Variants in PHAX observed in about 807,000 individuals in gnomAD.
PHAX encodes phosphorylated adaptor for RNA export.
In PHAX, 31 loss-of-function variants were observed where a neutral mutation model predicts 41.6. That is an observed-to-expected ratio of 0.75 (90% CI 0.56 to 1.01). PHAX has a LOEUF of 1.01. PHAX is among the 50% of genes least tolerant of loss of function. The probability of loss-of-function intolerance (pLI) is 0.00; values close to 1 mark genes in which losing one functional copy is unlikely to be tolerated. For missense variants in PHAX, 453 were observed against 472.9 expected (o/e 0.96, Z 0.39); for synonymous variants, 175 against 164.9 (o/e 1.06, Z -0.47).
At chr5:126,611,543 T>TG (rs932250908) in intron 3 of PHAX, among the ~76,000 whole-genome samples, 5 of 151,958 alleles carry the variant, frequency 3.3e-5, no homozygotes, top group Non-Finnish European at 7.4e-5. Flanking sequence ...CCCAGCACTT[T>TG]GGGGGGCCAA....
intron 2 of PHAX, among the ~76,000 whole-genome samples, chr5:126,606,461 C>T (rs1224962811): frequency 6.6e-6 from 1 of 152,070 alleles, no homozygotes; most frequent in Non-Finnish European, 1.5e-5. Flanking sequence ...GGATTAGAGG[C>T]GTAAGCCACT....
Position 126,624,853 on chromosome 5 carries a change from T to TC in PHAX, c.*10dup. Reference sequence around the variant, plus strand: ...ATTTGGACATCTTTTAAGTACATTTTCAACAGTTTGAGGACTAAGCCTTTC... The same window carrying TC: ...ATTTGGACATCTTTTAAGTACATTTTCCAACAGTTTGAGGACTAAGCCTTTC... On this transcript the variant is annotated 3_prime_UTR_variant, in exon 5 of 5. Transcript: ENST00000297540. 1 of 1,597,126 alleles carries TC rather than the reference T, an allele frequency of 6.3e-7. No individual in the cohort carries two copies. The highest frequency in any genetic ancestry group is 8.5e-7 in the Non-Finnish European group (1 of 1,173,254).
chr5:126,615,233 A>G (rs1392190653), intron 3 of PHAX, among the ~76,000 whole-genome samples: 1 of 152,130 alleles, frequency 6.6e-6, no homozygotes, highest in Non-Finnish European at 1.5e-5. Flanking sequence ...GACTATGTGT[A>G]TATGACATAC....
At chr5:126,619,485 A>G (rs541343261) in intron 4 of PHAX, among the ~76,000 whole-genome samples, 134 of 151,864 alleles carry the variant, frequency 8.8e-4, no homozygotes, top group African/African-American at 3.1e-3. Context: ...CTGACGTAGG[A>G]GAATCGCTTG....
At chr5:126,610,986 T>G (rs192439024) in intron 3 of PHAX, among the ~76,000 whole-genome samples, 29 of 151,814 alleles carry the variant, frequency 1.9e-4, no homozygotes, top group Non-Finnish European at 3.2e-4. Flanking sequence ...GGATTACAGG[T>G]GTGAGCCACT....
intron 4 of PHAX, among the ~76,000 whole-genome samples, chr5:126,619,932 C>T (rs983124707): frequency 2.6e-5 from 4 of 152,066 alleles, no homozygotes; most frequent in Non-Finnish European, 4.4e-5. Flanking sequence ...TTTGAGTAGC[C>T]GCACATTTTC....
chr5:126,616,401 G>A (rs1271914010), intron 3 of PHAX, among the ~76,000 whole-genome samples: 1 of 152,062 alleles, frequency 6.6e-6, no homozygotes, highest in Non-Finnish European at 1.5e-5. Context: ...AGCCTCAAAT[G>A]CCAATTCTTG....
intron 3 of PHAX, among the ~76,000 whole-genome samples, chr5:126,608,888 G>C (rs1379931912): frequency 6.6e-6 from 1 of 150,460 alleles, no homozygotes; most frequent in Admixed American, 6.7e-5. Context: ...AGTGAGCTGA[G>C]ATCGCACCCT....
At chr5:126,617,877 G>C (rs1242196713) in intron 4 of PHAX, among the ~76,000 whole-genome samples, 1 of 151,964 alleles carries the variant, frequency 6.6e-6, no homozygotes, top group Non-Finnish European at 1.5e-5. Context: ...GTCTCCCAAA[G>C]TGCTGCAATT....
At chr5:126,618,301 T>A (rs980613149) in intron 4 of PHAX, among the ~76,000 whole-genome samples, 10 of 152,024 alleles carry the variant, frequency 6.6e-5, no homozygotes, top group Non-Finnish European at 1.3e-4. Context: ...TTAGTTCTAA[T>A]TATTTGAACA....
At chr5:126,608,977 T>A (rs938125314) in intron 3 of PHAX, among the ~76,000 whole-genome samples, 16 of 151,408 alleles carry the variant, frequency 1.1e-4, no homozygotes, top group African/African-American at 3.1e-4. Flanking sequence ...ATTAGTACAG[T>A]TGTTTTTGCA....
chr5:126,604,074 C>T lies in PHAX; in HGVS notation c.601C>T (p.Arg201Ter), dbSNP rs531169247. Reference protein sequence around the residue: ...ENGQGHLKRKRPVKDRLGNRP... With the variant: ...ENGQGHLKRK ...TGGGCAAGGTCATCTCAAAAGGAAACGACCTGTCAAAGACAGGCTAGGGAA... is the reference window on the plus strand; with the variant it reads ...TGGGCAAGGTCATCTCAAAAGGAAATGACCTGTCAAAGACAGGCTAGGGAA... The change falls in exon 2 of 5, where the codon CGA (arginine) becomes TGA (stop). Residue 201 changes from arginine (R) to a stop codon, truncating the protein, a stop_gained. Transcript: ENST00000297540. LOFTEE classifies it high-confidence loss of function. 7 of 1,613,620 alleles carry T rather than the reference C, an allele frequency of 4.3e-6. No homozygotes were observed. Among genetic ancestry groups the T allele is most frequent in the African/African-American group, 2.7e-5 (2 of 74,844 alleles).
At chr5:126,611,060 G>A (rs1415550730) in intron 3 of PHAX, among the ~76,000 whole-genome samples, 9 of 85,832 alleles carry the variant, frequency 1.0e-4, no homozygotes, top group African/African-American at 6.4e-4. Flanking sequence ...TTGTTTGTTT[G>A]TTTGTTTGTT....
chr5:126,601,113 C>G lies in PHAX; in HGVS notation c.96+55C>G, dbSNP rs544990905. 1.2e-5 allele frequency: 15 copies of G among 1,250,932 alleles called. 1 individual carries two copies. In the South Asian group the frequency reaches 1.7e-4, roughly 15 times the overall value. The allele number at this position is 1,250,932 out of a possible 1,614,324, so 77.5% of individuals were successfully genotyped here. A position where few individuals can be genotyped will look rare whatever the true frequency, so the allele number is the denominator to read the frequency against. ...GGCTGGGCGCGCGGAGCCTGGGCCC[C>G]GGGGAGCGCGCAGGCAGCGGTGAGG... On this transcript the variant is annotated intron_variant, in intron 1 of 4. Coordinates refer to ENST00000297540, the MANE Select transcript of PHAX (RefSeq NM_032177.4).
At chr5:126,608,693 T>C (rs2112831425) in intron 3 of PHAX, among the ~76,000 whole-genome samples, 1 of 152,152 alleles carries the variant, frequency 6.6e-6, no homozygotes, top group African/African-American at 2.4e-5. Context: ...TCCTAGCACT[T>C]TGGGAGGCTG....
At chr5:126,612,865 C>A (rs926554288) in intron 3 of PHAX, among the ~76,000 whole-genome samples, 5 of 152,052 alleles carry the variant, frequency 3.3e-5, no homozygotes, top group Admixed American at 6.6e-5. Context: ...GTGGAAGATA[C>A]GGCCAACAGA....
chr5:126,611,355 C>T (rs1220275063), intron 3 of PHAX, among the ~76,000 whole-genome samples: 1 of 152,138 alleles, frequency 6.6e-6, no homozygotes, highest in Non-Finnish European at 1.5e-5. Context: ...CGCCCGGCCT[C>T]CAAATTTACT....
chr5:126,606,870 T>C (rs1751998095), intron 2 of PHAX, among the ~76,000 whole-genome samples: 1 of 152,136 alleles, frequency 6.6e-6, no homozygotes, highest in African/African-American at 2.4e-5. Flanking sequence ...TTGACCAGGC[T>C]GGTCTCAAAC....
At position 126,617,325 on chromosome 5, in the gene PHAX, C is replaced by G; in HGVS notation, c.907C>G (p.Gln303Glu). The change falls in exon 4 of 5, where the codon CAA becomes GAA. Residue 303 changes from glutamine to glutamate, a missense_variant. Coordinates refer to ENST00000297540, the MANE Select transcript of PHAX (RefSeq NM_032177.4). ...LKNTPSISEE[Q>E]IKDIFYIENQ... ...AAACACTCCTAGTATCAGCGAGGAA[C>G]AAATTAAGGTAATGATAATGTCCTC... is the stretch of plus-strand genomic sequence containing the variant. 6.3e-7 allele frequency: 1 copy of G among 1,595,414 alleles called. No individual in the cohort carries two copies. Among genetic ancestry groups the G allele is most frequent in the Non-Finnish European group, 8.6e-7 (1 of 1,163,944 alleles).
Sources: allele counts gnomAD v4.1 joint callset (sites outside exome capture counted in the v4.1 genomes callset), GRCh38; gene constraint gnomAD v4.1.1; transcripts MANE v1.5; gene names NCBI Gene and HGNC (gene_info 2026-07-23, HGNC 2026-07-21).